ODAD2: variants seen among roughly 807,000 people sequenced by gnomAD.
The protein encoded by ODAD2 is outer dynein arm-docking complex subunit 2.
A neutral mutation model predicts 106.8 loss-of-function variants in ODAD2; 89 were observed. That is an observed-to-expected ratio of 0.83 (90% CI 0.70 to 0.99). ODAD2 has a LOEUF of 0.99. Among genes scored for constraint, ODAD2 ranks in the 50% least tolerant of loss-of-function variants. ODAD2 has a pLI of 0.00. For synonymous variants in ODAD2, 404 were observed against 436.2 expected (o/e 0.93, Z 0.92); for missense variants, 1,168 against 1,238.5 (o/e 0.94, Z 0.85).
intron 16 of ODAD2, among the ~76,000 whole-genome samples, chr10:27,928,265 G>A (rs1215840437): frequency 2.6e-5 from 4 of 151,928 alleles, no homozygotes; most frequent in African/African-American, 4.8e-5. Flanking sequence ...CATCATCTAC[G>A]ACTCCTCCCT....
intron 19 of ODAD2, among the ~76,000 whole-genome samples, chr10:27,825,498 G>A (rs148586111): frequency 9.2e-5 from 14 of 152,336 alleles, no homozygotes; most frequent in Non-Finnish European, 1.6e-4. Flanking sequence ...GAACTCAGAA[G>A]TTGCTGGAAT....
At chr10:27,923,641 CTG>C (rs1409068287) in intron 16 of ODAD2, among the ~76,000 whole-genome samples, 7 of 151,988 alleles carry the variant, frequency 4.6e-5, no homozygotes, top group African/African-American at 1.7e-4. Flanking sequence ...ACTCTACACT[CTG>C]TTGATAAAGA....
At chr10:27,937,339 CTTTTTTTT>C (rs57375404) in intron 14 of ODAD2, among the ~76,000 whole-genome samples, 1 of 132,772 alleles carries the variant, frequency 7.5e-6, no homozygotes, top group Non-Finnish European at 1.6e-5. Flanking sequence ...TTTCTTTTTT[CTTTTTTTT>C]TTTTTTTTGA....
chr10:27,838,098 T>C lies in ODAD2; in HGVS notation c.3021+22527A>G, dbSNP rs562712129. Among the ~76,000 whole-genome samples, 7 of 152,334 alleles carry C rather than the reference T, an allele frequency of 4.6e-5. No homozygotes were observed. The South Asian group carries it at 1.4e-3, about 32-fold the overall frequency. ...AAGGAGTCTTAGGAGGGAATATTAA[T>C]GCGAGCATATTTTTGGCACATTAAA... is the stretch of plus-strand genomic sequence containing the variant. On this transcript the variant is annotated intron_variant, in intron 19 of 19. Coordinates refer to ENST00000305242, the MANE Select transcript of ODAD2 (RefSeq NM_018076.5).
chr10:27,844,816 G>A (rs1028656730), intron 19 of ODAD2, among the ~76,000 whole-genome samples: 5 of 152,082 alleles, frequency 3.3e-5, no homozygotes, highest in African/African-American at 9.7e-5. Flanking sequence ...CTTCTCACTT[G>A]TAGCTCTAAG....
In ODAD2 at chr10:27,905,545, G is replaced by A. The variant is rs542877554; in HGVS notation, c.2610+2118C>T. 5.9e-5 allele frequency among the ~76,000 whole-genome samples: 9 copies of A among 152,262 alleles called. No homozygotes were observed. The East Asian group carries it at 1.5e-3, about 26-fold the overall frequency. ...AAATTTCATATGGAACCAAAAAAGA[G>A]CCTGTATAGCCAAGACAATCTTAAG... On this transcript the variant is annotated intron_variant, in intron 17 of 19. Transcript: ENST00000305242.
At chr10:27,896,425 CA>C (rs1564477433) in intron 17 of ODAD2, among the ~76,000 whole-genome samples, 2 of 152,144 alleles carry the variant, frequency 1.3e-5, no homozygotes, top group Non-Finnish European at 1.5e-5. Context: ...AGGCAATATT[CA>C]AATTCAAGTA....
At chr10:27,895,040 C>G in intron 17 of ODAD2, among the ~76,000 whole-genome samples, 1 of 39,068 alleles carries the variant, frequency 2.6e-5, no homozygotes, top group Non-Finnish European at 6.2e-5. Context: ...GTCATCGGTA[C>G]GAAAAAAAAA....
chr10:27,936,804 T>G lies in ODAD2; in HGVS notation c.2174A>C (p.Asn725Thr). ...AGCTAACCGCTCTTTATTGTCAGTG[T>G]TATTGAGTAGACTGGCCAAGGGCTT... is the stretch of plus-strand genomic sequence containing the variant. ...GLKPLASLLN[N>T]TDNKERLAAV... Residue 725 changes from asparagine (N) to threonine (T), a missense_variant, in exon 15 of 20, where the codon AAC (asparagine) becomes ACC (threonine). Physicochemically the swap from Asn to Thr is moderately conservative, Grantham distance 65. This residue lies in a region of ODAD2 where 701 missense variants were observed against 712.3 expected (regional missense o/e 0.98). Transcript: ENST00000305242. The G allele has an allele frequency of 6.2e-7, 1 of 1,614,050 alleles. No homozygotes were observed. The highest frequency in any genetic ancestry group is 8.5e-7 in the Non-Finnish European group (1 of 1,179,950).
intron 8 of ODAD2, among the ~76,000 whole-genome samples, chr10:27,969,632 C>G (rs1396782218): frequency 1.3e-5 from 2 of 152,248 alleles, no homozygotes; most frequent in Admixed American, 1.3e-4. Context: ...CCCCTCTCCA[C>G]ATGACTCCGT....
At chr10:27,835,027 G>C (rs1281698241) in intron 19 of ODAD2, among the ~76,000 whole-genome samples, 1 of 152,212 alleles carries the variant, frequency 6.6e-6, no homozygotes, top group Non-Finnish European at 1.5e-5. Context: ...CACAACCGAA[G>C]GCGCAGGGGT....
chr10:27,830,063 G>C (rs141442431), intron 19 of ODAD2, among the ~76,000 whole-genome samples: 82 of 152,268 alleles, frequency 5.4e-4, no homozygotes, highest in African/African-American at 1.9e-3. Flanking sequence ...CAGAAAGTAG[G>C]GCACAGGATG....
At chr10:27,835,313 A>G (rs1050035964) in intron 19 of ODAD2, among the ~76,000 whole-genome samples, 49 of 152,224 alleles carry the variant, frequency 3.2e-4, no homozygotes, top group Admixed American at 3.2e-3. Context: ...ATGTACAGGA[A>G]CGGGACTTTA....
chr10:27,895,700 T>C (rs1358761158), intron 17 of ODAD2, among the ~76,000 whole-genome samples: 1 of 152,238 alleles, frequency 6.6e-6, no homozygotes, highest in Non-Finnish European at 1.5e-5. Context: ...ATCTGAACAA[T>C]ACCTTTTCAT....
chr10:27,927,745 G>A (rs367885333), intron 16 of ODAD2, among the ~76,000 whole-genome samples: 58 of 151,802 alleles, frequency 3.8e-4, no homozygotes, highest in African/African-American at 1.2e-3. Context: ...CTAGTTCCCC[G>A]CTCAACTCTC....
chr10:27,924,019 AAAGAAGG>A (rs1564509429), intron 16 of ODAD2, among the ~76,000 whole-genome samples: 4 of 144,546 alleles, frequency 2.8e-5, no homozygotes, highest in Admixed American at 1.4e-4. Flanking sequence ...AGAAAGAAAG[AAAGAAGG>A]AAAGAGAAAG....
intron 17 of ODAD2, among the ~76,000 whole-genome samples, chr10:27,874,970 T>A (rs1473960781): frequency 2.6e-5 from 4 of 152,220 alleles, no homozygotes; most frequent in Non-Finnish European, 5.9e-5. Flanking sequence ...GGTTCCATTC[T>A]CCCCATCACT....
chr10:27,985,699 C>T (rs1410637451), intron 3 of ODAD2, among the ~76,000 whole-genome samples: 2 of 151,948 alleles, frequency 1.3e-5, no homozygotes, highest in Admixed American at 6.6e-5. Context: ...CAGTAGCACT[C>T]TTTTGCAAGT....
chr10:27,994,522 G>A (rs1564586998), intron 2 of ODAD2, among the ~76,000 whole-genome samples: 1 of 152,018 alleles, frequency 6.6e-6, no homozygotes, highest in Admixed American at 6.6e-5. Context: ...TTGAGGCCAG[G>A]AATTTGAGAC....
Sources: allele counts gnomAD v4.1 joint callset (sites outside exome capture counted in the v4.1 genomes callset), GRCh38; gene constraint gnomAD v4.1.1; regional missense constraint gnomAD v4.1.1; transcripts MANE v1.5; gene names NCBI Gene and HGNC (gene_info 2026-07-23, HGNC 2026-07-21).